The following PIGL variants were observed in gnomAD, a reference collection of about 807,000 sequenced individuals.
PIGL encodes phosphatidylinositol glycan anchor biosynthesis class L.
PIGL carries 22 observed loss-of-function variants against 31.1 expected under a neutral mutation model. The ratio of observed to expected loss-of-function variants is 0.71; its 90% CI spans 0.51 to 1.01. The LOEUF (loss-of-function observed/expected upper bound fraction) is 1.01, where lower values mean the gene tolerates loss of function less well. Ranked by LOEUF, PIGL falls within the 50% of genes least tolerant of loss-of-function variation. The pLI is 0.00. For synonymous variants in PIGL, 131 were observed against 117.4 expected, an observed-to-expected ratio of 1.12 and a Z score of -0.75; for missense variants, 302 against 315.9, an observed-to-expected ratio of 0.96 and a Z score of 0.33.
chr17:16,259,344 G>T (rs992011997), intron 2 of PIGL, among the ~76,000 whole-genome samples: 4 of 116,234 alleles, frequency 3.4e-5, no homozygotes, highest in Non-Finnish European at 5.4e-5. Flanking sequence ...TTCAACAATG[G>T]TGCCAAGACA....
chr17:16,265,865 C>A (rs562823467), intron 2 of PIGL, among the ~76,000 whole-genome samples: 1 of 152,142 alleles, frequency 6.6e-6, no homozygotes, highest in South Asian at 2.1e-4. Flanking sequence ...GCATTATAGA[C>A]CCTGTACTTT....
At chr17:16,309,854 G>A (rs560781600) in intron 3 of PIGL, among the ~76,000 whole-genome samples, 6 of 152,276 alleles carry the variant, frequency 3.9e-5, no homozygotes, top group Admixed American at 6.5e-5. Context: ...CAAGGCAAGC[G>A]GATAACTTTA....
At chr17:16,288,175 G>T (rs2092945731) in intron 2 of PIGL, among the ~76,000 whole-genome samples, 2 of 152,038 alleles carry the variant, frequency 1.3e-5, no homozygotes, top group South Asian at 4.1e-4. Flanking sequence ...TAAATTACCT[G>T]TTTTCTTTCC....
intron 2 of PIGL, among the ~76,000 whole-genome samples, chr17:16,282,774 G>T (rs995855886): frequency 1.3e-5 from 2 of 152,142 alleles, no homozygotes; most frequent in African/African-American, 4.8e-5. Flanking sequence ...ATGTGATGTT[G>T]GCACCTCTCA....
intron 1 of PIGL, 42 bp from the exon 2 acceptor site, chr17:16,233,928 GT>G: frequency 8.8e-7 from 1 of 1,142,140 alleles, no homozygotes; most frequent in Non-Finnish European, 1.3e-6. Flanking sequence ...GGTCTCCACT[GT>G]TAAAAAAAAA....
At chr17:16,258,152 AG>A (rs2092804602) in intron 2 of PIGL, among the ~76,000 whole-genome samples, 2 of 147,258 alleles carry the variant, frequency 1.4e-5, no homozygotes, top group African/African-American at 2.5e-5. Flanking sequence ...AGAGAGAGAG[AG>A]AGAGAAAACT....
intron 2 of PIGL, among the ~76,000 whole-genome samples, chr17:16,291,381 C>T (rs2142818115): frequency 6.7e-6 from 1 of 149,606 alleles, no homozygotes; most frequent in Admixed American, 6.6e-5. Flanking sequence ...GTGGCGGGCA[C>T]CTGTAGTCCC....
chr17:16,217,631 CTGGTGGGTTG>C, intron 1 of PIGL, 170 bp downstream of exon 1: 1 of 542,316 alleles, frequency 1.8e-6, no homozygotes, highest in African/African-American at 1.9e-5. Flanking sequence ...GCCGGCTTAC[CTGGTGGGTTG>C]GGGGACGTCG....
At chr17:16,218,766 C>A (rs975992776) in intron 1 of PIGL, among the ~76,000 whole-genome samples, 1 of 150,850 alleles carries the variant, frequency 6.6e-6, no homozygotes, top group African/African-American at 2.4e-5. Context: ...GCAACCTCCA[C>A]CACCCGGGTT....
intron 3 of PIGL, 25 bp from the exon 4 acceptor site, chr17:16,313,522 G>T: frequency 6.3e-7 from 1 of 1,587,404 alleles, no homozygotes; most frequent in Non-Finnish European, 8.7e-7. Flanking sequence ...AAGGCATTCA[G>T]TGAAAACCCT....
chr17:16,294,283 C>T (rs1403007498), intron 2 of PIGL, among the ~76,000 whole-genome samples: 1 of 152,170 alleles, frequency 6.6e-6, no homozygotes, highest in Non-Finnish European at 1.5e-5. Flanking sequence ...GTCATCCTAC[C>T]CCATGTTCTC....
intron 6 of PIGL, among the ~76,000 whole-genome samples, chr17:16,325,010 T>C (rs1223396667): frequency 6.6e-6 from 1 of 152,072 alleles, no homozygotes; most frequent in Admixed American, 6.6e-5. Flanking sequence ...ACATCCCTGT[T>C]TGTGTTGTAT....
intron 3 of PIGL, among the ~76,000 whole-genome samples, chr17:16,311,115 C>T (rs2093047493): frequency 6.6e-6 from 1 of 152,138 alleles, no homozygotes; most frequent in Non-Finnish European, 1.5e-5. Context: ...CATTCCAATC[C>T]CAGTTCCAGG....
intron 2 of PIGL, among the ~76,000 whole-genome samples, chr17:16,285,100 G>A (rs962061880): frequency 6.6e-6 from 1 of 152,106 alleles, no homozygotes; most frequent in African/African-American, 2.4e-5. Context: ...AGATTACAGG[G>A]GTGAGACACC....
intron 1 of PIGL, among the ~76,000 whole-genome samples, chr17:16,221,551 G>A (rs780595825): frequency 1.3e-5 from 2 of 151,588 alleles, no homozygotes; most frequent in Non-Finnish European, 2.9e-5. Flanking sequence ...CTGGATTCAA[G>A]CAATTCTCCT....
At chr17:16,259,359 A>AG (rs397700551) in intron 2 of PIGL, among the ~76,000 whole-genome samples, 2 of 33,112 alleles carry the variant, frequency 6.0e-5, no homozygotes, top group Non-Finnish European at 1.3e-4. Context: ...AAGACAATTC[A>AG]TGGGGAAAGA....
At chr17:16,303,519 G>T (rs1043610161) in intron 3 of PIGL, among the ~76,000 whole-genome samples, 32 of 151,826 alleles carry the variant, frequency 2.1e-4, no homozygotes, top group Non-Finnish European at 4.1e-4. Context: ...GTATAAAACA[G>T]CTCCTTACTA....
chr17:16,301,405 C>T (rs916386029), intron 3 of PIGL, among the ~76,000 whole-genome samples: 2 of 151,304 alleles, frequency 1.3e-5, no homozygotes, highest in Admixed American at 6.6e-5. Flanking sequence ...GCTGGGACTA[C>T]AGACACGTGC....
At chr17:16,234,677 A>G (rs1299260090) in intron 2 of PIGL, among the ~76,000 whole-genome samples, 1 of 152,216 alleles carries the variant, frequency 6.6e-6, no homozygotes, top group Admixed American at 6.5e-5. Context: ...AGGCAGGAGA[A>G]TCGCTTGAAC....
Sources: gnomAD v4.1 joint callset for allele counts (sites outside exome capture counted in the v4.1 genomes callset) on GRCh38, gnomAD v4.1.1 for gene constraint, MANE v1.5 for transcripts, NCBI Gene and HGNC (gene_info 2026-07-23, HGNC 2026-07-21) for gene names.